FEZ2: variants seen among roughly 807,000 people sequenced by gnomAD.
FEZ2 encodes the protein fasciculation and elongation protein zeta-2.
In FEZ2, 51 loss-of-function variants were observed where a neutral mutation model predicts 40.4. The ratio of observed to expected loss-of-function variants is 1.26; its 90% CI spans 1.01 to 1.59. The LOEUF (loss-of-function observed/expected upper bound fraction) is 1.59, where lower values mean the gene tolerates loss of function less well. Ranked by LOEUF, FEZ2 falls within the 40% of genes most tolerant of loss-of-function variation. The pLI, the probability that FEZ2 is intolerant of heterozygous loss-of-function variation, is 0.00. For synonymous variants in FEZ2, 242 were observed against 172.0 expected (o/e 1.41, Z -3.18); for missense variants, 640 against 438.3 (o/e 1.46, Z -4.11).
intron 5 of FEZ2, among the ~76,000 whole-genome samples, chr2:36,577,973 A>T (rs996497820): frequency 6.6e-6 from 1 of 152,248 alleles, no homozygotes; most frequent in African/African-American, 2.4e-5. Context: ...GGAATACACA[A>T]GACTTCAACA....
At chr2:36,570,863 AC>A (rs1443115876) in intron 5 of FEZ2, among the ~76,000 whole-genome samples, 1 of 152,250 alleles carries the variant, frequency 6.6e-6, no homozygotes, top group Non-Finnish European at 1.5e-5. Context: ...TCCATGACTG[AC>A]CGAAATATCA....
At chr2:36,588,586 T>C (rs918413400) in intron 2 of FEZ2, among the ~76,000 whole-genome samples, 5 of 152,182 alleles carry the variant, frequency 3.3e-5, no homozygotes, top group Admixed American at 2.6e-4. Flanking sequence ...AGTATTTGCA[T>C]ATAACCTGTG....
chr2:36,575,008 CA>C (rs1419224796), intron 5 of FEZ2, among the ~76,000 whole-genome samples: 1 of 152,230 alleles, frequency 6.6e-6, no homozygotes, highest in Non-Finnish European at 1.5e-5. Context: ...CTCTCCAAAA[CA>C]GCTTCCCAAC....
At chr2:36,569,931 T>C (rs936548623) in intron 5 of FEZ2, among the ~76,000 whole-genome samples, 3 of 152,240 alleles carry the variant, frequency 2.0e-5, no homozygotes, top group Admixed American at 2.0e-4. Context: ...ATATTCTTTA[T>C]ACTCAGGAGG....
intron 5 of FEZ2, among the ~76,000 whole-genome samples, chr2:36,567,216 T>C (rs1270794890): frequency 6.6e-6 from 1 of 151,824 alleles, no homozygotes; most frequent in Admixed American, 6.6e-5. Flanking sequence ...TTAGAGCCTA[T>C]GATCGTTTCA....
chr2:36,589,978 T>C (rs1281520924), intron 2 of FEZ2: 1 of 152,170 alleles, frequency 6.6e-6, no homozygotes, highest in African/African-American at 2.4e-5. Flanking sequence ...GAAACTTAGA[T>C]AATTTGGATA....
intron 6 of FEZ2, 63 bp from the exon 7 acceptor site, chr2:36,555,811 A>G: frequency 2.1e-6 from 2 of 932,192 alleles, no homozygotes. Flanking sequence ...ATATTATTTA[A>G]TTTCAATCAT....
At position 36,598,063 on chromosome 2, in the gene FEZ2, T is replaced by C; in HGVS notation, c.80A>G (p.Asn27Ser). The change falls in exon 1 of 8, where the codon AAC becomes AGC. Residue 27 changes from asparagine to serine, a missense_variant. By Grantham distance (46) the Asn-to-Ser change is conservative. Coordinates refer to ENST00000405912, the MANE Select transcript of FEZ2 (RefSeq NM_005102.3). ...ARSLLDQENC[N>S]ASPEPGAEAG... ...CTCCGCCCCAGGCTCGGGGCTCGCG[T>C]TACAGTTCTCCTGGTCCAGGAGGCT... 7.4e-7 allele frequency: 1 copy of C among 1,359,562 alleles called. No homozygotes were observed. The highest frequency in any genetic ancestry group is 9.8e-7 in the Non-Finnish European group (1 of 1,017,036). 84.2% of individuals were successfully genotyped at this position (1,359,562 alleles called of 1,614,324 possible).
chr2:36,565,542 C>A lies in FEZ2; in HGVS notation c.904-7029G>T, dbSNP rs117166273. ...TAACTGTCCCCTCCAAGTGGTGGCACACACCACCCCCTCTGCTGTCTGTGC... is the reference window on the plus strand; with the variant it reads ...TAACTGTCCCCTCCAAGTGGTGGCAAACACCACCCCCTCTGCTGTCTGTGC... On this transcript the variant is annotated intron_variant, in intron 5 of 7. Transcript: ENST00000405912. Among the ~76,000 whole-genome samples, 43 of 152,244 alleles carry A rather than the reference C, an allele frequency of 2.8e-4. No homozygotes were observed. The East Asian group carries it at 7.9e-3, about 28-fold the overall frequency.
chr2:36,583,721 GA>G (rs1668824993), intron 2 of FEZ2, among the ~76,000 whole-genome samples: 3 of 152,254 alleles, frequency 2.0e-5, no homozygotes, highest in East Asian at 1.9e-4. Context: ...CAGATATGCA[GA>G]AAAAAATACG....
intron 6 of FEZ2, chr2:36,557,901 C>T (rs369312759): frequency 6.6e-6 from 1 of 152,030 alleles, no homozygotes; most frequent in East Asian, 1.9e-4. Flanking sequence ...GCTTTGTTCA[C>T]TAAAGTATCC....
At chr2:36,559,409 T>A (rs1668034806) in intron 5 of FEZ2, among the ~76,000 whole-genome samples, 2 of 152,188 alleles carry the variant, frequency 1.3e-5, no homozygotes, top group Non-Finnish European at 2.9e-5. Flanking sequence ...TTATTTAACC[T>A]CGTGCCCTAA....
intron 2 of FEZ2, among the ~76,000 whole-genome samples, chr2:36,585,412 G>T (rs1364279992): frequency 6.6e-6 from 1 of 152,052 alleles, no homozygotes. Flanking sequence ...ATAGTAAAGT[G>T]AAAATCCCAG....
chr2:36,578,973 C>G, intron 4 of FEZ2, 108 bp from the exon 5 acceptor site: 3 of 862,528 alleles, frequency 3.5e-6, no homozygotes, highest in Non-Finnish European at 5.5e-6. Context: ...TAATCAATGC[C>G]AAAGAGCAAA....
At chr2:36,557,822 A>G (rs866026213) in intron 6 of FEZ2, 1 of 152,168 alleles carries the variant, frequency 6.6e-6, no homozygotes, top group African/African-American at 2.4e-5. Context: ...GATACTCAAT[A>G]TCATGTATAT....
rs144728050 is a variant in FEZ2 at position 36,582,429 on chromosome 2, T to C, written c.492+924A>G. Among the ~76,000 whole-genome samples the C allele has an allele frequency of 2.4e-3, 371 of 152,222 alleles. 4 individuals carry two copies. The highest frequency in any genetic ancestry group is 8.6e-3 in the African/African-American group (356 of 41,526). On this transcript the variant is annotated intron_variant, in intron 3 of 7. Coordinates refer to ENST00000405912, the MANE Select transcript of FEZ2 (RefSeq NM_005102.3). ...TAAGGTACAATGAGCCACTCAAGGA[T>C]CCTACAGAATCTGTTATTCTAACTC...
At chr2:36,596,746 G>A (rs1009030293) in intron 1 of FEZ2, among the ~76,000 whole-genome samples, 3 of 152,116 alleles carry the variant, frequency 2.0e-5, no homozygotes, top group East Asian at 3.9e-4. Flanking sequence ...GGGATCACAG[G>A]TGTGAGCCAC....
At chr2:36,592,644 C>CAAAAA (rs34717975) in intron 1 of FEZ2, among the ~76,000 whole-genome samples, 4 of 74,554 alleles carry the variant, frequency 5.4e-5, no homozygotes, top group African/African-American at 2.0e-4. Context: ...CACATCTCTA[C>CAAAAA]AAAAAAAAAA....
At chr2:36,568,880 C>T (rs957588685) in intron 5 of FEZ2, among the ~76,000 whole-genome samples, 2 of 152,076 alleles carry the variant, frequency 1.3e-5, no homozygotes, top group Non-Finnish European at 2.9e-5. Context: ...TCAGACAAAA[C>T]CAGTAGCAAC....
Sources: allele counts gnomAD v4.1 joint callset (sites outside exome capture counted in the v4.1 genomes callset), GRCh38; gene constraint gnomAD v4.1.1; transcripts MANE v1.5; gene names NCBI Gene and HGNC (gene_info 2026-07-23, HGNC 2026-07-21).